The following MAP7D1 variants were observed in gnomAD, a reference collection of about 807,000 sequenced individuals.
MAP7D1 encodes MAP7 domain containing 1.
A neutral mutation model predicts 97.5 loss-of-function variants in MAP7D1; 30 were observed. The ratio of observed to expected loss-of-function variants is 0.31; its 90% confidence interval spans 0.23 to 0.42. The LOEUF (loss-of-function observed/expected upper bound fraction) is 0.42, where lower values mean the gene tolerates loss of function less well. Among genes scored for constraint, MAP7D1 ranks in the 10% least tolerant of loss-of-function variants. The pLI is 1.00. For synonymous variants in MAP7D1, 536 were observed against 477.1 expected (o/e 1.12, Z -1.61); for missense variants, 1,184 against 1,179.5 (o/e 1.00, Z -0.06).
intron 8 of MAP7D1, among the ~76,000 whole-genome samples, chr1:36,177,110 G>A (rs1002481413): frequency 2.0e-5 from 3 of 151,916 alleles, no homozygotes; most frequent in African/African-American, 4.8e-5. Context: ...CACCACGCTC[G>A]GCTAATTTTT....
rs774320224 is a variant in MAP7D1 at position 36,173,372 on chromosome 1, T to C, written c.633T>C (p.Tyr211=). 4 of 1,613,630 alleles carry C rather than the reference T, an allele frequency of 2.5e-6. No individual in the cohort carries two copies. The highest frequency in any genetic ancestry group is 3.4e-6 in the Non-Finnish European group (4 of 1,179,732). The change falls in exon 5 of 17, where the codon TAT becomes TAC. Residue 211 remains tyrosine (Y), a synonymous_variant. Coordinates refer to ENST00000474796, the MANE Select transcript of MAP7D1 (RefSeq NM_001388490.1). ...TCCCCACCTTCCCCCAGGAGCGCTA[T>C]GAAGCAGCCATCCAACGGTCAGTGA... The part of the protein sequence containing the change: ...RQKLEKNKER[Y]EAAIQRSVKK...
chr1:36,161,995 C>T (rs528528228), intron 1 of MAP7D1, among the ~76,000 whole-genome samples: 43 of 152,032 alleles, frequency 2.8e-4, no homozygotes, highest in Non-Finnish European at 4.1e-4. Flanking sequence ...GTTGTGTGCA[C>T]GTCTGTCTCC....
rs555500039 is a variant in MAP7D1, at chr1:36,179,962, C to T, written c.2407C>T (p.Pro803Ser). 4 of 1,614,202 alleles carry T rather than the reference C, an allele frequency of 2.5e-6. No individual in the cohort carries two copies. The highest frequency in any genetic ancestry group is 3.3e-5 in the Admixed American group (2 of 60,020). ...GGAGAATGGCTTCTCCACCAACGGA[C>T]CCTCTGGGGACAAGAGTCTGAGCCG... The part of the protein sequence containing the change: ...HQENGFSTNG[P>S]SGDKSLSRTP... The change falls in exon 16 of 17, where the codon CCC becomes TCC. Residue 803 changes from proline (P) to serine (S), a missense_variant. Transcript: ENST00000474796.
intron 14 of MAP7D1, 52 bp downstream of exon 14, chr1:36,179,609 T>C (rs1485583408): frequency 1.3e-6 from 2 of 1,549,964 alleles, no homozygotes. Context: ...CTCCTCCTCC[T>C]CCATCCTCAC....
intron 1 of MAP7D1, among the ~76,000 whole-genome samples, chr1:36,162,171 T>G (rs1415350725): frequency 6.6e-6 from 1 of 152,094 alleles, no homozygotes; most frequent in African/African-American, 2.4e-5. Flanking sequence ...CCTGAGGTGC[T>G]GTCTGTGCAC....
intron 1 of MAP7D1, among the ~76,000 whole-genome samples, chr1:36,162,021 T>A (rs946648474): frequency 2.0e-5 from 3 of 152,174 alleles, no homozygotes; most frequent in African/African-American, 7.2e-5. Flanking sequence ...GTCTCTGCCC[T>A]CTGCCTGCCT....
chr1:36,165,788 T>C (rs1644467167), intron 1 of MAP7D1, among the ~76,000 whole-genome samples: 1 of 144,510 alleles, frequency 6.9e-6, no homozygotes, highest in African/African-American at 2.6e-5. Context: ...TGGAGTGCAG[T>C]GGCACGATCT....
chr1:36,177,020 G>A (rs1420735917), intron 8 of MAP7D1, among the ~76,000 whole-genome samples, 178 bp downstream of exon 8: 6 of 152,120 alleles, frequency 3.9e-5, no homozygotes, highest in African/African-American at 1.4e-4. Context: ...GCACAATCTC[G>A]GCTCACTGCA....
rs76032355 is a variant in MAP7D1, at chr1:36,159,829, G to C, written c.46+3366G>C. Among the ~76,000 whole-genome samples, 2,181 of 152,352 alleles carry C rather than the reference G, an allele frequency of 0.014. 110 individuals carry two copies. The East Asian group carries it at 0.17, about 12-fold the overall frequency. ...AGTAGACGTTGGTGAGACTGGCGCA[G>C]TGGGCTGTGGCCATACATCCAGCAG... On this transcript the variant is annotated intron_variant, in intron 1 of 16. Coordinates refer to ENST00000474796, the MANE Select transcript of MAP7D1 (RefSeq NM_001388490.1). This position sits in a 1 kb window ranked among gnomAD's most constrained non-coding sequence, Gnocchi z 5.4.
At chr1:36,180,154 C>T in intron 16 of MAP7D1, 87 bp downstream of exon 16, 1 of 1,609,464 alleles carries the variant, frequency 6.2e-7, no homozygotes, top group Non-Finnish European at 8.5e-7. Flanking sequence ...TCTGGCTCTG[C>T]CAGGCACCCT....
rs779804736 is a variant in MAP7D1, at chr1:36,176,442, C to A, written c.1094C>A (p.Ala365Asp). The change falls in exon 7 of 17, where the codon GCC becomes GAC. Residue 365 changes from alanine (A) to aspartate (D), a missense_variant. Physicochemically the swap from Ala to Asp is moderately radical, Grantham distance 126. Transcript: ENST00000474796. This position sits in a 1 kb window ranked among gnomAD's most constrained non-coding sequence, Gnocchi z 6.1. ...SAAVPVCPRS[A>D]SASPLTPCSV... ...GCCGTGCCGGTGTGCCCGCGCTCGG[C>A]CTCCGCCAGCCCCCTGACGCCGTGC... 6.6e-7 allele frequency: 1 copy of A among 1,515,618 alleles called. No homozygotes were observed. Among genetic ancestry groups the A allele is most frequent in the Non-Finnish European group, 8.8e-7 (1 of 1,140,516 alleles). 93.9% of individuals were successfully genotyped at this position (1,515,618 alleles called of 1,614,324 possible). A position where few individuals can be genotyped will look rare whatever the true frequency, so the allele number is the denominator to read the frequency against.
Position 36,178,929 on chromosome 1 carries a change from G to A in MAP7D1, c.2034G>A (p.Glu678=), listed in dbSNP as rs1644672916. The A allele has an allele frequency of 6.4e-7, 1 of 1,555,242 alleles. No individual in the cohort carries two copies. Among genetic ancestry groups the A allele is most frequent in the Non-Finnish European group, 8.7e-7 (1 of 1,149,384 alleles). Residue 678 remains glutamate (E), a synonymous_variant, in exon 12 of 17, where the codon GAG becomes GAA. Coordinates refer to ENST00000474796, the MANE Select transcript of MAP7D1 (RefSeq NM_001388490.1). Reference sequence around the variant, plus strand: ...ATGGGGGTCTTTGGCAGAAAGAGGAGGCCGAAGCTCGGTCGCGGGAAGAGG... The same window carrying A: ...ATGGGGGTCTTTGGCAGAAAGAGGAAGCCGAAGCTCGGTCGCGGGAAGAGG... ...EQERLQKQKE[E]AEARSREEAE...
chr1:36,180,179 T>G, intron 16 of MAP7D1, 69 bp from the exon 17 acceptor site: 1 of 1,612,404 alleles, frequency 6.2e-7, no homozygotes, highest in East Asian at 2.2e-5. Flanking sequence ...TGCTCCACCC[T>G]GAAGACCCCC....
chr1:36,172,664 T>G lies in MAP7D1; in HGVS notation c.624+37T>G, dbSNP rs755507434. 3 of 1,507,020 alleles carry G rather than the reference T, an allele frequency of 2.0e-6. No individual in the cohort carries two copies. In the African/African-American group the frequency reaches 4.1e-5, roughly 21 times the overall value. The allele number at this position is 1,507,020 out of a possible 1,614,324, so 93.4% of individuals were successfully genotyped here. ...GTCTCCGTGAATCCATGTACACGTGTGCTCACCGTCTGCATACTGGTGCAG... is the reference window on the plus strand; with the variant it reads ...GTCTCCGTGAATCCATGTACACGTGGGCTCACCGTCTGCATACTGGTGCAG... On this transcript the variant is annotated intron_variant, in intron 4 of 16. Coordinates refer to ENST00000474796, the MANE Select transcript of MAP7D1 (RefSeq NM_001388490.1).
rs1644385717 is a variant in MAP7D1 at position 36,159,935 on chromosome 1, C to T, written c.46+3472C>T. Among the ~76,000 whole-genome samples, 1 of 152,170 alleles carries T rather than the reference C, an allele frequency of 6.6e-6. No individual in the cohort carries two copies. Among genetic ancestry groups the T allele is most frequent in the South Asian group, 2.1e-4 (1 of 4,836 alleles). On this transcript the variant is annotated intron_variant, in intron 1 of 16. Coordinates refer to ENST00000474796, the MANE Select transcript of MAP7D1 (RefSeq NM_001388490.1). This position sits in a 1 kb window ranked among gnomAD's most constrained non-coding sequence, Gnocchi z 5.4. Reference sequence around the variant, plus strand: ...GCCCAATAATGAGGCCTCTAATGAGCCCCTAATGTGCAGTCACGCATATGC... The same window carrying T: ...GCCCAATAATGAGGCCTCTAATGAGTCCCTAATGTGCAGTCACGCATATGC...
chr1:36,156,730 T>C (rs1644336411), intron 1 of MAP7D1, among the ~76,000 whole-genome samples: 2 of 151,900 alleles, frequency 1.3e-5, no homozygotes, highest in Non-Finnish European at 2.9e-5. Context: ...GGGTGACCCT[T>C]CTGCCCCAGC....
At chr1:36,164,758 TC>T (rs1321315914) in intron 1 of MAP7D1, among the ~76,000 whole-genome samples, 1 of 152,204 alleles carries the variant, frequency 6.6e-6, no homozygotes, top group African/African-American at 2.4e-5. Flanking sequence ...AGCACCGTGA[TC>T]AGATTTGCAT....
In MAP7D1 at chr1:36,178,849, T is replaced by G. The variant is rs1045631665; in HGVS notation, c.2025+26T>G. 21 of 1,542,426 alleles carry G rather than the reference T, an allele frequency of 1.4e-5. No individual in the cohort carries two copies. In the African/African-American group the frequency reaches 2.5e-4, roughly 18 times the overall value. The stretch of plus-strand genomic sequence containing the variant: ...GTGCCCCCGGCGGGCGGGAAGCGGC[T>G]GGGCGCGGGCGCCGCGGGCCGGGAG... On this transcript the variant is annotated intron_variant, in intron 11 of 16. Transcript: ENST00000474796.
In MAP7D1 at chr1:36,179,349, G is replaced by A. The variant is rs539871975; in HGVS notation, c.2184+34G>A. 5 of 1,611,966 alleles carry A rather than the reference G, an allele frequency of 3.1e-6. No individual in the cohort carries two copies. In the African/African-American group the frequency reaches 5.3e-5, roughly 17 times the overall value. On this transcript the variant is annotated intron_variant, in intron 13 of 16. Transcript: ENST00000474796. ...TCCCCCGAAGGGCAGTGCTGGGCGT[G>A]GGGGGCAGGGTGTGAAAAGGAGGCT...
Sources: allele counts gnomAD v4.1 joint callset (sites outside exome capture counted in the v4.1 genomes callset), GRCh38; gene constraint gnomAD v4.1.1; non-coding constraint Gnocchi (gnomAD v3.1); transcripts MANE v1.5; gene names NCBI Gene and HGNC (gene_info 2026-07-23, HGNC 2026-07-21).